SPMIP7: variants seen among roughly 807,000 people sequenced by gnomAD.
The protein encoded by SPMIP7 is sperm microtubule inner protein 7, also known as protein SPMIP7.
the SPMIP7 span, among the ~76,000 whole-genome samples, chr7:50,152,857 T>C: frequency 6.6e-6 from 1 of 152,044 alleles, no homozygotes; most frequent in African/African-American, 2.4e-5. Context: ...CAGCTAATTT[T>C]TGTATTTTTG....
chr7:50,101,846 C>T, the SPMIP7 span, among the ~76,000 whole-genome samples: 2 of 152,192 alleles, frequency 1.3e-5, no homozygotes, highest in East Asian at 3.8e-4. Flanking sequence ...TGGGATTCAG[C>T]ATTCCTTTCC....
chr7:50,143,616 A>G, the SPMIP7 span, among the ~76,000 whole-genome samples: 1 of 152,232 alleles, frequency 6.6e-6, no homozygotes, highest in Admixed American at 6.5e-5. Context: ...GTCATCTGAC[A>G]TGCTCTGTGT....
chr7:50,102,092 G>A, the SPMIP7 span, among the ~76,000 whole-genome samples: 1 of 152,176 alleles, frequency 6.6e-6, no homozygotes, highest in African/African-American at 2.4e-5. Flanking sequence ...GGGAGGCCGA[G>A]GCAGGCGGAT....
At chr7:50,125,695 A>C in the SPMIP7 span, among the ~76,000 whole-genome samples, 1 of 151,860 alleles carries the variant, frequency 6.6e-6, no homozygotes, top group South Asian at 2.1e-4. Flanking sequence ...GATGAACCTG[A>C]AGGACATTGT....
the SPMIP7 span, among the ~76,000 whole-genome samples, chr7:50,150,455 A>C: frequency 1.3e-5 from 2 of 152,208 alleles, no homozygotes; most frequent in African/African-American, 2.4e-5. Context: ...CAGTAAGCTG[A>C]GGCCATGGCG....
chr7:50,109,441 T>A, the SPMIP7 span, among the ~76,000 whole-genome samples: 1 of 152,126 alleles, frequency 6.6e-6, no homozygotes, highest in African/African-American at 2.4e-5. Flanking sequence ...AGCGGCATGA[T>A]CTTAGCTCAC....
chr7:50,112,157 C>T, the SPMIP7 span, among the ~76,000 whole-genome samples: 567 of 151,152 alleles, frequency 3.8e-3, 5 homozygotes, highest in East Asian at 8.1e-3. Flanking sequence ...TAACAAAGGA[C>T]GTTGAATAAA....
chr7:50,121,057 C>T, the SPMIP7 span, among the ~76,000 whole-genome samples: 1 of 152,234 alleles, frequency 6.6e-6, no homozygotes, highest in East Asian at 1.9e-4. Flanking sequence ...TATAAATGCT[C>T]ATACGTAGCC....
the SPMIP7 span, among the ~76,000 whole-genome samples, chr7:50,135,286 G>A: frequency 1.1e-4 from 17 of 152,278 alleles, no homozygotes; most frequent in African/African-American, 3.9e-4. Context: ...CTTCTCACGC[G>A]TAGGAGTCTG....
At chr7:50,138,804 T>A in the SPMIP7 span, among the ~76,000 whole-genome samples, 1 of 150,154 alleles carries the variant, frequency 6.7e-6, no homozygotes, top group African/African-American at 2.4e-5. Context: ...AGGAATGAAA[T>A]GGAAATACAC....
chr7:50,112,829 A>G, the SPMIP7 span, among the ~76,000 whole-genome samples: 1 of 152,036 alleles, frequency 6.6e-6, no homozygotes, highest in Non-Finnish European at 1.5e-5. Context: ...TGGGAAGCCA[A>G]GGAATGTAGA....
chr7:50,146,846 A>G, the SPMIP7 span, among the ~76,000 whole-genome samples: 2 of 152,078 alleles, frequency 1.3e-5, no homozygotes, highest in Non-Finnish European at 2.9e-5. Flanking sequence ...CTCCTCTCAC[A>G]TGGGTCTGCA....
chr7:50,126,669 G>T, the SPMIP7 span, among the ~76,000 whole-genome samples: 1 of 151,598 alleles, frequency 6.6e-6, no homozygotes, highest in African/African-American at 2.4e-5. Flanking sequence ...TTATAGAAAA[G>T]ATATATCCTA....
At chr7:50,118,140 T>C in the SPMIP7 span, among the ~76,000 whole-genome samples, 801 of 152,304 alleles carry the variant, frequency 5.3e-3, 9 homozygotes, top group Non-Finnish European at 5.3e-3. Context: ...AACTGTGAAA[T>C]GTGCCTGATT....
chr7:50,096,267 AC>A, the SPMIP7 span: 2 of 1,551,530 alleles, frequency 1.3e-6, no homozygotes, highest in African/African-American at 2.7e-5. Flanking sequence ...AAGAAATGCA[AC>A]CCTGCTTTTC....
At chr7:50,145,031 G>A in the SPMIP7 span, among the ~76,000 whole-genome samples, 1 of 151,966 alleles carries the variant, frequency 6.6e-6, no homozygotes, top group Non-Finnish European at 1.5e-5. Flanking sequence ...GGAAGCCGAG[G>A]CGGGTGGATC....
At chr7:50,105,168 TAA>T in the SPMIP7 span, among the ~76,000 whole-genome samples, 1 of 152,210 alleles carries the variant, frequency 6.6e-6, no homozygotes, top group Admixed American at 6.5e-5. Flanking sequence ...TAAAGAATCC[TAA>T]GACATACACA....
the SPMIP7 span, among the ~76,000 whole-genome samples, chr7:50,114,230 T>C: frequency 6.6e-6 from 1 of 152,120 alleles, no homozygotes; most frequent in Non-Finnish European, 1.5e-5. Context: ...ACAGAAATGG[T>C]AAACATATGG....
the SPMIP7 span, chr7:50,117,282 T>C: frequency 6.6e-6 from 3 of 456,158 alleles, no homozygotes; most frequent in Non-Finnish European, 1.3e-5. Flanking sequence ...TAGAGGCCAA[T>C]CACATATTAT....
Sources: allele counts gnomAD v4.1 joint callset (sites outside exome capture counted in the v4.1 genomes callset), GRCh38; gene constraint gnomAD v4.1.1; transcripts MANE v1.5; gene names NCBI Gene and HGNC (gene_info 2026-07-23, HGNC 2026-07-21).